The following RASGEF1A variants were observed in gnomAD, a reference collection of about 807,000 sequenced individuals.
RASGEF1A encodes RasGEF domain family member 1A.
Under a neutral mutation model 56.4 loss-of-function variants are expected in RASGEF1A, and 18 were observed. The ratio of observed to expected loss-of-function variants is 0.32; its 90% CI spans 0.22 to 0.47. The LOEUF (loss-of-function observed/expected upper bound fraction) is 0.47, where lower values mean the gene tolerates loss of function less well. RASGEF1A is among the 20% of genes least tolerant of loss of function. The probability of loss-of-function intolerance (pLI) is 1.00; values close to 1 mark genes in which losing one functional copy is unlikely to be tolerated. For missense variants in RASGEF1A, 422 were observed against 627.1 expected (o/e 0.67, Z 3.49); for synonymous variants, 245 against 242.6 (o/e 1.01, Z -0.09).
chr10:43,227,823 C>T (rs1398303059), intron 1 of RASGEF1A, among the ~76,000 whole-genome samples: 1 of 152,130 alleles, frequency 6.6e-6, no homozygotes, highest in Non-Finnish European at 1.5e-5. Context: ...CACCCTCCTT[C>T]CTGCGCCAGC....
At chr10:43,201,763 T>C (rs757186500) in intron 4 of RASGEF1A, 45 bp downstream of exon 4, 3 of 1,505,378 alleles carry the variant, frequency 2.0e-6, no homozygotes, top group African/African-American at 1.4e-5. Context: ...GGGCAGACCC[T>C]GGCACACACC....
At chr10:43,248,021 A>G (rs1805629784) in intron 1 of RASGEF1A, among the ~76,000 whole-genome samples, 2 of 150,788 alleles carry the variant, frequency 1.3e-5, no homozygotes, top group African/African-American at 4.9e-5. Flanking sequence ...CAATATAGTA[A>G]GACCCCCCAT....
At chr10:43,245,412 A>C (rs377328362) in intron 1 of RASGEF1A, among the ~76,000 whole-genome samples, 1 of 152,212 alleles carries the variant, frequency 6.6e-6, no homozygotes, top group East Asian at 1.9e-4. Context: ...CAAAGCACTA[A>C]CCAATTCATT....
intron 1 of RASGEF1A, among the ~76,000 whole-genome samples, chr10:43,229,442 A>G (rs1179798194): frequency 2.0e-5 from 3 of 152,120 alleles, no homozygotes; most frequent in East Asian, 3.9e-4. Flanking sequence ...GCAGGGCAGG[A>G]GCAGAGGCAG....
intron 2 of RASGEF1A, 133 bp downstream of exon 2, chr10:43,205,786 C>T (rs1839985453): frequency 1.4e-6 from 1 of 708,698 alleles, no homozygotes; most frequent in Non-Finnish European, 2.4e-6. Context: ...TGGGCCTGGG[C>T]CCCCCACTGC....
chr10:43,251,814 C>T (rs1322135876), intron 1 of RASGEF1A, among the ~76,000 whole-genome samples: 2 of 152,180 alleles, frequency 1.3e-5, no homozygotes, highest in Non-Finnish European at 2.9e-5. Flanking sequence ...ACCAGGCCTT[C>T]GTCTGGCCCA....
chr10:43,206,315 A>G (rs1206254269), intron 1 of RASGEF1A, among the ~76,000 whole-genome samples, 193 bp from the exon 2 acceptor site: 1 of 152,170 alleles, frequency 6.6e-6, no homozygotes, highest in Admixed American at 6.5e-5. Context: ...GCCGCTGCAC[A>G]TCTGATCACT....
chr10:43,200,717 C>A lies in RASGEF1A; in HGVS notation c.631G>T (p.Val211Leu), dbSNP rs569429774. The A allele has an allele frequency of 1.2e-6, 2 of 1,613,574 alleles. No individual in the cohort carries two copies. The highest frequency in any genetic ancestry group is 1.7e-6 in the Non-Finnish European group (2 of 1,180,004). Residue 211 changes from valine (V) to leucine (L), a missense_variant, in exon 5 of 13, where the codon GTG (valine) becomes TTG (leucine). Coordinates refer to ENST00000395810, the MANE Select transcript of RASGEF1A (RefSeq NM_145313.4). The part of the protein sequence containing the change: ...PPAAQKDILG[V>L]CCDPLVLAQQ... The stretch of plus-strand genomic sequence containing the variant: ...GCCAGCACCAGGGGGTCGCAGCACA[C>A]GCCCAGGATGTCCTTCTGGGCGGCT...
At chr10:43,253,551 G>A (rs1311408569) in intron 1 of RASGEF1A, among the ~76,000 whole-genome samples, 1 of 152,260 alleles carries the variant, frequency 6.6e-6, no homozygotes, top group Non-Finnish European at 1.5e-5. Flanking sequence ...GAAAGTGTGA[G>A]GACAAGACAG....
chr10:43,202,842 A>T (rs1389105896), intron 3 of RASGEF1A, among the ~76,000 whole-genome samples: 2 of 137,778 alleles, frequency 1.5e-5, no homozygotes, highest in Non-Finnish European at 3.1e-5. Context: ...GCCCCAACTC[A>T]GACCCGCCCC....
intron 1 of RASGEF1A, among the ~76,000 whole-genome samples, chr10:43,225,255 T>TGGG (rs1840260514): frequency 8.6e-5 from 1 of 11,608 alleles, no homozygotes; most frequent in Non-Finnish European, 1.5e-4. Flanking sequence ...TGTGGGGGTC[T>TGGG]GTGGGGGGGG....
chr10:43,254,525 C>T (rs1840665748), intron 1 of RASGEF1A, among the ~76,000 whole-genome samples: 1 of 152,242 alleles, frequency 6.6e-6, no homozygotes, highest in African/African-American at 2.4e-5. Flanking sequence ...ACCGCTAACC[C>T]CCGCCCCCGG....
At chr10:43,237,489 TC>T (rs2133215277) in intron 1 of RASGEF1A, among the ~76,000 whole-genome samples, 1 of 103,336 alleles carries the variant, frequency 9.7e-6, no homozygotes, top group Admixed American at 1.2e-4. Context: ...GCCTCTGCCC[TC>T]TCCAGACCAC....
chr10:43,234,895 C>T (rs1396534844), intron 1 of RASGEF1A, among the ~76,000 whole-genome samples: 1 of 152,230 alleles, frequency 6.6e-6, no homozygotes, highest in Non-Finnish European at 1.5e-5. Context: ...ACTCAAGCCT[C>T]CTGCACACAC....
At chr10:43,255,037 C>T (rs1185598638) in intron 1 of RASGEF1A, among the ~76,000 whole-genome samples, 1 of 152,148 alleles carries the variant, frequency 6.6e-6, no homozygotes, top group Non-Finnish European at 1.5e-5. Flanking sequence ...GAGAGGAAAC[C>T]GGGAAGTGTG....
chr10:43,229,552 G>A lies in RASGEF1A; in HGVS notation c.-6-23430C>T, dbSNP rs1184006236. ...GGCACCCTCCCGCACGGGTCGGGAT[G>A]CAGGGGACCGTCGCACCCCTCCCGA... On this transcript the variant is annotated intron_variant, in intron 1 of 12. Coordinates refer to ENST00000395810, the MANE Select transcript of RASGEF1A (RefSeq NM_145313.4). 3 of 1,210,462 alleles carry A rather than the reference G, an allele frequency of 2.5e-6. No individual in the cohort carries two copies. The African/African-American group carries it at 4.8e-5, about 19-fold the overall frequency. 75.0% of individuals were successfully genotyped at this position (1,210,462 alleles called of 1,614,324 possible).
chr10:43,199,526 G>A (rs1839858262), intron 7 of RASGEF1A, 150 bp downstream of exon 7: 1 of 677,380 alleles, frequency 1.5e-6, no homozygotes, highest in African/African-American at 1.8e-5. Flanking sequence ...CTGTATGTCG[G>A]GGTTGGGGGA....
Position 43,203,252 on chromosome 10 carries a change from T to TCTTGCCC in RASGEF1A, c.321+45_321+46insGGGCAAG, listed in dbSNP as rs1350581417. 2.1e-6 allele frequency: 3 copies of TCTTGCCC among 1,421,692 alleles called. No individual in the cohort carries two copies. In the East Asian group the frequency reaches 9.2e-5, roughly 44 times the overall value. 88.1% of individuals were successfully genotyped at this position (1,421,692 alleles called of 1,614,324 possible). ...TCCAGCCCCTAGCCTTGACCTCGCCTCCTGCCCCCTGCCCCCGCCCGTGCC... is the reference window on the plus strand; with the variant it reads ...TCCAGCCCCTAGCCTTGACCTCGCCTCTTGCCCCCTGCCCCCTGCCCCCGCCCGTGCC... On this transcript the variant is annotated intron_variant, in intron 3 of 12. Coordinates refer to ENST00000395810, the MANE Select transcript of RASGEF1A (RefSeq NM_145313.4).
At chr10:43,200,407 A>C in intron 5 of RASGEF1A, 151 bp from the exon 6 acceptor site, 1 of 712,118 alleles carries the variant, frequency 1.4e-6, no homozygotes, top group Non-Finnish European at 2.4e-6. Context: ...GGGCCACTGC[A>C]GTCCCCACTG....
Sources: allele counts gnomAD v4.1 joint callset (sites outside exome capture counted in the v4.1 genomes callset), GRCh38; gene constraint gnomAD v4.1.1; transcripts MANE v1.5; gene names NCBI Gene and HGNC (gene_info 2026-07-23, HGNC 2026-07-21).